The following TTC28 variants were observed in gnomAD, a reference collection of about 807,000 sequenced individuals.
The protein encoded by TTC28 is tetratricopeptide repeat protein 28.
In TTC28, 61 loss-of-function variants were observed where a neutral mutation model predicts 198.0. The ratio of observed to expected loss-of-function variants is 0.31; its 90% CI spans 0.25 to 0.38. The LOEUF (loss-of-function observed/expected upper bound fraction) is 0.38. Among genes scored for constraint, TTC28 ranks in the 10% least tolerant of loss-of-function variants. TTC28 has a pLI of 1.00. For missense variants in TTC28, 2,678 were observed against 3,164.0 expected (o/e 0.85, Z 3.69); for synonymous variants, 1,171 against 1,297.8 (o/e 0.90, Z 2.10).
intron 5 of TTC28, among the ~76,000 whole-genome samples, chr22:28,225,916 C>G (rs1238009734): frequency 1.3e-5 from 2 of 152,212 alleles, no homozygotes; most frequent in African/African-American, 4.8e-5. Flanking sequence ...GGGCTTCTTT[C>G]ACTCAACATA....
chr22:28,335,907 G>T (rs2045708111), intron 2 of TTC28, among the ~76,000 whole-genome samples: 1 of 152,174 alleles, frequency 6.6e-6, no homozygotes, highest in African/African-American at 2.4e-5. Flanking sequence ...GGGCATCCCT[G>T]TCTTGTGCCA....
chr22:28,210,728 C>T lies in TTC28; in HGVS notation c.934-47129G>A, dbSNP rs1366949887. On this transcript the variant is annotated intron_variant, in intron 5 of 22. Coordinates refer to ENST00000397906, the MANE Select transcript of TTC28 (RefSeq NM_001145418.2). ...GGAAAACACTCTGTAGGATATTCTCCAGGAGAACTTCCCCAACCTAGCAAG... is the reference window on the plus strand; with the variant it reads ...GGAAAACACTCTGTAGGATATTCTCTAGGAGAACTTCCCCAACCTAGCAAG... Among the ~76,000 whole-genome samples the T allele has an allele frequency of 2.6e-5, 4 of 152,088 alleles. No individual in the cohort carries two copies. In the South Asian group the frequency reaches 8.3e-4, roughly 32 times the overall value.
At chr22:28,430,884 A>C (rs1408376529) in intron 2 of TTC28, among the ~76,000 whole-genome samples, 3 of 109,504 alleles carry the variant, frequency 2.7e-5, no homozygotes, top group African/African-American at 7.0e-5. Context: ...TACCATTGTA[A>C]AAGAAAAAAA....
chr22:28,193,549 G>A (rs572010792), intron 5 of TTC28, among the ~76,000 whole-genome samples: 136 of 152,192 alleles, frequency 8.9e-4, no homozygotes, highest in African/African-American at 2.7e-3. Context: ...CCCATCTCAC[G>A]TGCAGACACA....
intron 2 of TTC28, among the ~76,000 whole-genome samples, chr22:28,561,576 T>C (rs1204686316): frequency 2.0e-5 from 3 of 152,200 alleles, no homozygotes; most frequent in Non-Finnish European, 4.4e-5. Context: ...ATAGATATAA[T>C]GTCATTCCCC....
At chr22:28,437,193 G>A (rs1446839385) in intron 2 of TTC28, among the ~76,000 whole-genome samples, 3 of 151,816 alleles carry the variant, frequency 2.0e-5, no homozygotes, top group Non-Finnish European at 2.9e-5. Flanking sequence ...AGCGATTCTC[G>A]TGCCTCAGCC....
intron 2 of TTC28, among the ~76,000 whole-genome samples, chr22:28,555,275 A>G (rs1373107372): frequency 6.6e-6 from 1 of 152,220 alleles, no homozygotes; most frequent in East Asian, 1.9e-4. Flanking sequence ...CACTAGGGAA[A>G]ACAGTGTGGA....
chr22:28,372,823 C>A (rs531096966), intron 2 of TTC28, among the ~76,000 whole-genome samples: 2 of 152,152 alleles, frequency 1.3e-5, no homozygotes. Flanking sequence ...GAGAATGGGG[C>A]CATAAACCAC....
At chr22:28,384,880 C>G (rs2046553003) in intron 2 of TTC28, among the ~76,000 whole-genome samples, 1 of 151,978 alleles carries the variant, frequency 6.6e-6, no homozygotes, top group Non-Finnish European at 1.5e-5. Context: ...GTGGCTCATG[C>G]CTGTAATCCC....
intron 2 of TTC28, among the ~76,000 whole-genome samples, chr22:28,447,968 T>C (rs553706762): frequency 2.0e-5 from 3 of 152,168 alleles, no homozygotes; most frequent in Non-Finnish European, 4.4e-5. Flanking sequence ...TATTGTTTCT[T>C]CTTTCTTTCG....
At chr22:28,257,911 T>C (rs134194) in intron 5 of TTC28, among the ~76,000 whole-genome samples, 12,562 of 151,484 alleles carry the variant, frequency 0.083, 624 homozygotes, top group Non-Finnish European at 0.097. Flanking sequence ...AAACCATCAG[T>C]TGATTTTTAT....
chr22:28,188,446 G>T (rs1168573133), intron 5 of TTC28, among the ~76,000 whole-genome samples: 2 of 152,158 alleles, frequency 1.3e-5, no homozygotes, highest in Non-Finnish European at 2.9e-5. Context: ...GGCTTCTGAA[G>T]TTCAGGGGAA....
At chr22:27,985,209 C>T (rs1937169181) in intron 22 of TTC28, 40 bp downstream of exon 22, 6 of 1,455,958 alleles carry the variant, frequency 4.1e-6, no homozygotes, top group Non-Finnish European at 5.6e-6. Context: ...GAGAGCATGG[C>T]AGGCCCTGGT....
chr22:28,153,034 C>T (rs891748333), intron 6 of TTC28, among the ~76,000 whole-genome samples: 8 of 151,992 alleles, frequency 5.3e-5, no homozygotes, highest in African/African-American at 1.4e-4. Flanking sequence ...AGCTAAGGTA[C>T]GATATGGATG....
intron 6 of TTC28, among the ~76,000 whole-genome samples, chr22:28,114,770 G>C (rs1469498023): frequency 6.6e-6 from 1 of 151,910 alleles, no homozygotes; most frequent in Non-Finnish European, 1.5e-5. Context: ...AATTTTTGTA[G>C]ACATGGGATC....
At chr22:28,402,362 A>G (rs999506937) in intron 2 of TTC28, among the ~76,000 whole-genome samples, 3 of 152,218 alleles carry the variant, frequency 2.0e-5, no homozygotes, top group Admixed American at 2.0e-4. Context: ...TCAGTTCACT[A>G]AAAGTCCTGT....
At chr22:28,456,302 T>C (rs1568955244) in intron 2 of TTC28, among the ~76,000 whole-genome samples, 1 of 152,088 alleles carries the variant, frequency 6.6e-6, no homozygotes, top group Non-Finnish European at 1.5e-5. Context: ...GAAAGTAGAT[T>C]AGTGGTCACT....
At position 28,601,922 on chromosome 22, in the gene TTC28, C is replaced by G. The variant is rs149617219; in HGVS notation, c.381+27630G>C. Among the ~76,000 whole-genome samples, 245 of 151,082 alleles carry G rather than the reference C, an allele frequency of 1.6e-3. 1 individual carries two copies. Among genetic ancestry groups the G allele is most frequent in the African/African-American group, 5.8e-3 (240 of 41,390 alleles). Reference sequence around the variant, plus strand: ...CTATTCTGATATATTCTGCCTTATTCCTATACAAAGAGACACCTGGCACAA... The same window carrying G: ...CTATTCTGATATATTCTGCCTTATTGCTATACAAAGAGACACCTGGCACAA... On this transcript the variant is annotated intron_variant, in intron 2 of 22. Transcript: ENST00000397906.
intron 12 of TTC28, among the ~76,000 whole-genome samples, chr22:28,085,261 G>A (rs1019417316): frequency 5.9e-5 from 9 of 152,154 alleles, no homozygotes; most frequent in African/African-American, 1.9e-4. Context: ...CAGCCAGAGA[G>A]CAAGATCAGG....
Sources: gnomAD v4.1 joint callset for allele counts (sites outside exome capture counted in the v4.1 genomes callset) on GRCh38, gnomAD v4.1.1 for gene constraint, MANE v1.5 for transcripts, NCBI Gene and HGNC (gene_info 2026-07-23, HGNC 2026-07-21) for gene names.